KCTD16: variants seen among roughly 807,000 people sequenced by gnomAD.
KCTD16 encodes BTB/POZ domain-containing protein KCTD16.
Under a neutral mutation model 33.2 loss-of-function variants are expected in KCTD16, and 13 were observed. That is an observed-to-expected ratio of 0.39 (90% CI 0.25 to 0.62). The LOEUF is 0.62. KCTD16 is among the 20% of genes least tolerant of loss of function. The pLI is 0.50. For missense variants in KCTD16, 441 were observed against 525.1 expected (o/e 0.84, Z 1.57); for synonymous variants, 197 against 195.3 (o/e 1.01, Z -0.07).
intron 3 of KCTD16, among the ~76,000 whole-genome samples, chr5:144,311,189 C>T (rs192103517): frequency 2.0e-5 from 3 of 152,154 alleles, no homozygotes; most frequent in East Asian, 3.9e-4. Context: ...AAAGTGGAGA[C>T]GAGTTAATGG....
intron 3 of KCTD16, among the ~76,000 whole-genome samples, chr5:144,216,173 C>T (rs944436702): frequency 6.6e-6 from 1 of 152,168 alleles, no homozygotes; most frequent in African/African-American, 2.4e-5. Flanking sequence ...AGAGTATTCC[C>T]TTTCATGGTG....
At chr5:144,428,379 T>G (rs1193766886) in intron 3 of KCTD16, among the ~76,000 whole-genome samples, 1 of 152,154 alleles carries the variant, frequency 6.6e-6, no homozygotes, top group Non-Finnish European at 1.5e-5. Flanking sequence ...TACCATAACT[T>G]GGTAATTTGA....
chr5:144,451,770 A>G (rs1278807634), intron 3 of KCTD16, among the ~76,000 whole-genome samples: 2 of 152,182 alleles, frequency 1.3e-5, no homozygotes, highest in East Asian at 1.9e-4. Flanking sequence ...TGGAACATGA[A>G]TGCATTGCAT....
At chr5:144,195,487 C>G (rs1021224801) in intron 2 of KCTD16, among the ~76,000 whole-genome samples, 4 of 152,150 alleles carry the variant, frequency 2.6e-5, no homozygotes, top group Admixed American at 6.5e-5. Flanking sequence ...CTTTTGTCAG[C>G]CATCTTGAGC....
At chr5:144,360,172 C>T (rs1222213760) in intron 3 of KCTD16, among the ~76,000 whole-genome samples, 2 of 152,002 alleles carry the variant, frequency 1.3e-5, no homozygotes, top group Non-Finnish European at 2.9e-5. Flanking sequence ...ATACACGTGC[C>T]ATGGTGGTTT....
At chr5:144,460,747 T>C (rs1278122379) in intron 3 of KCTD16, among the ~76,000 whole-genome samples, 1 of 152,210 alleles carries the variant, frequency 6.6e-6, no homozygotes, top group Non-Finnish European at 1.5e-5. Flanking sequence ...CCCATCTTTC[T>C]TACTAGAATG....
At chr5:144,421,858 A>C (rs1580952023) in intron 3 of KCTD16, among the ~76,000 whole-genome samples, 1 of 152,266 alleles carries the variant, frequency 6.6e-6, no homozygotes, top group East Asian at 1.9e-4. Flanking sequence ...GGGAGAGTCT[A>C]ATGCCATCCA....
chr5:144,275,169 G>A (rs1755405369), intron 3 of KCTD16, among the ~76,000 whole-genome samples: 1 of 152,268 alleles, frequency 6.6e-6, no homozygotes, highest in South Asian at 2.1e-4. Context: ...AGGGGCTGAA[G>A]ATTTTATAGG....
At chr5:144,298,301 C>T (rs1401728864) in intron 3 of KCTD16, among the ~76,000 whole-genome samples, 4 of 152,190 alleles carry the variant, frequency 2.6e-5, no homozygotes, top group African/African-American at 9.7e-5. Flanking sequence ...GCTCTGGGAG[C>T]AAGGACCCCT....
intron 3 of KCTD16, among the ~76,000 whole-genome samples, chr5:144,404,852 C>T (rs1752777464): frequency 6.6e-6 from 1 of 152,152 alleles, no homozygotes; most frequent in African/African-American, 2.4e-5. Flanking sequence ...ATTTCACTTC[C>T]GAACTACTCC....
chr5:144,447,128 T>C (rs139608273), intron 3 of KCTD16, among the ~76,000 whole-genome samples: 297 of 152,266 alleles, frequency 2.0e-3, no homozygotes, highest in African/African-American at 6.9e-3. Flanking sequence ...TGCAGCACTG[T>C]TCACAATAGC....
At chr5:144,391,334 G>A (rs1206287372) in intron 3 of KCTD16, among the ~76,000 whole-genome samples, 3 of 152,210 alleles carry the variant, frequency 2.0e-5, no homozygotes, top group Non-Finnish European at 4.4e-5. Context: ...TATTTATAAA[G>A]CTGAACCTTG....
At position 144,238,938 on chromosome 5, in the gene KCTD16, G is replaced by T. The variant is rs1358779215; in HGVS notation, c.832+31392G>T. Among the ~76,000 whole-genome samples the T allele has an allele frequency of 2.6e-5, 4 of 152,230 alleles. No individual in the cohort carries two copies. The East Asian group carries it at 7.7e-4, about 29-fold the overall frequency. Reference sequence around the variant, plus strand: ...AGGGGAGAAGACAAACAAGTTGGTGGATGATTATAATCCTTTGTGATAAGC... The same window carrying T: ...AGGGGAGAAGACAAACAAGTTGGTGTATGATTATAATCCTTTGTGATAAGC... On this transcript the variant is annotated intron_variant, in intron 3 of 3. Coordinates refer to ENST00000512467, the MANE Select transcript of KCTD16 (RefSeq NM_020768.4).
chr5:144,396,861 C>T (rs1312263240), intron 3 of KCTD16, among the ~76,000 whole-genome samples: 1 of 149,468 alleles, frequency 6.7e-6, no homozygotes, highest in Non-Finnish European at 1.5e-5. Context: ...AGTCAAGTTC[C>T]TTGTTTATTA....
intron 3 of KCTD16, among the ~76,000 whole-genome samples, chr5:144,438,150 A>C (rs1390308946): frequency 6.6e-6 from 1 of 152,264 alleles, no homozygotes; most frequent in Non-Finnish European, 1.5e-5. Context: ...TAGAAAACTT[A>C]AAATTAGATG....
chr5:144,295,910 C>G (rs1006692429), intron 3 of KCTD16, among the ~76,000 whole-genome samples: 12 of 152,182 alleles, frequency 7.9e-5, no homozygotes, highest in African/African-American at 2.9e-4. Context: ...GAACTCTCTC[C>G]CCTATAACCT....
chr5:144,196,878 A>G (rs1476752765), intron 2 of KCTD16, among the ~76,000 whole-genome samples: 1 of 152,226 alleles, frequency 6.6e-6, no homozygotes, highest in Non-Finnish European at 1.5e-5. Context: ...GATGTGCTTG[A>G]GGCTCAGATC....
chr5:144,332,593 AC>A (rs1456832449), intron 3 of KCTD16, among the ~76,000 whole-genome samples: 1 of 152,196 alleles, frequency 6.6e-6, no homozygotes, highest in African/African-American at 2.4e-5. Flanking sequence ...GGCTGACAAG[AC>A]CCTGAACTTC....
At chr5:144,189,680 T>C (rs1436048496) in intron 2 of KCTD16, among the ~76,000 whole-genome samples, 1 of 152,176 alleles carries the variant, frequency 6.6e-6, no homozygotes, top group African/African-American at 2.4e-5. Context: ...CCTTTCTGAG[T>C]AACTGTTGTC....
Sources: allele counts gnomAD v4.1 joint callset (sites outside exome capture counted in the v4.1 genomes callset), GRCh38; gene constraint gnomAD v4.1.1; transcripts MANE v1.5; gene names NCBI Gene and HGNC (gene_info 2026-07-23, HGNC 2026-07-21).